RUBCNL: variants seen among roughly 807,000 people sequenced by gnomAD.
The protein encoded by RUBCNL is rubicon like autophagy enhancer.
Under a neutral mutation model 69.5 loss-of-function variants are expected in RUBCNL, and 62 were observed. The observed-to-expected ratio is 0.89, with a 90% confidence interval of 0.73 to 1.10. The LOEUF (loss-of-function observed/expected upper bound fraction) is 1.10. Ranked by LOEUF, RUBCNL falls within the 50% of genes least tolerant of loss-of-function variation. RUBCNL has a pLI of 0.00. For synonymous variants in RUBCNL, 291 were observed against 303.6 expected (o/e 0.96, Z 0.43); for missense variants, 768 against 798.1 (o/e 0.96, Z 0.45).
chr13:46,345,457 G>C lies in RUBCNL; in HGVS notation c.1775C>G (p.Ala592Gly). The C allele has an allele frequency of 6.4e-7, 1 of 1,562,012 alleles. No individual in the cohort carries two copies. The highest frequency in any genetic ancestry group is 8.7e-7 in the Non-Finnish European group (1 of 1,153,358). Residue 592 changes from alanine to glycine, a missense_variant, in exon 13 of 15, where the codon GCT becomes GGT. By Grantham distance (60) the Ala-to-Gly change is moderately conservative. Coordinates refer to ENST00000429979, the MANE Select transcript of RUBCNL (RefSeq NM_025113.5). ...DILKASLAHV[A>G]GCELCQGKGF... is the part of the protein sequence containing the mutation. ...TGGGTGCACCCTCACCTCACAGCCA[G>C]CCACATGTGCAAGGGAAGCTTTCAG...
intron 9 of RUBCNL, 56 bp from the exon 10 acceptor site, chr13:46,356,552 T>G: frequency 6.8e-7 from 1 of 1,469,098 alleles, no homozygotes; most frequent in Middle Eastern, 1.7e-4. Context: ...GGCACATTTT[T>G]CACTAATTAG....
intron 5 of RUBCNL, among the ~76,000 whole-genome samples, chr13:46,363,817 T>C (rs61949228): frequency 0.093 from 13,958 of 150,054 alleles, 873 homozygotes; most frequent in Non-Finnish European, 0.14. Context: ...GCTGAGATCA[T>C]GCCACTGCAC....
rs143587221 is a variant in RUBCNL at position 46,343,388 on chromosome 13, T to C, written c.1986A>G (p.Thr662=). 1 of 1,613,158 alleles carries C rather than the reference T, an allele frequency of 6.2e-7. No homozygotes were observed. Among genetic ancestry groups the C allele is most frequent in the East Asian group, 2.2e-5 (1 of 44,876 alleles). Residue 662 remains threonine, a synonymous_variant, in exon 15 of 15, where the codon ACA becomes ACG. Coordinates refer to ENST00000429979, the MANE Select transcript of RUBCNL (RefSeq NM_025113.5). ...TTTTTCACAGTACTCAGGGGCATCATGTTGCTGCAGAGGCCACACTTTCCA... is the reference window on the plus strand; with the variant it reads ...TTTTTCACAGTACTCAGGGGCATCACGTTGCTGCAGAGGCCACACTTTCCA... ...KLLESVASAA[T]
Position 46,365,257 on chromosome 13 carries a change from C to T in RUBCNL, c.827-2044G>A, listed in dbSNP as rs573005322. On this transcript the variant is annotated intron_variant, in intron 5 of 14. Transcript: ENST00000429979. ...GGTAGAGGTTGCTGTGAGCCGAGAT[C>T]GCACCACTCTACTCCGGCCTGGGCA... Among the ~76,000 whole-genome samples, 9 of 143,944 alleles carry T rather than the reference C, an allele frequency of 6.3e-5. No individual in the cohort carries two copies. The East Asian group carries it at 1.8e-3, about 29-fold the overall frequency. The allele number at this position is 143,944 out of a possible 152,430, so 94.4% of individuals were successfully genotyped here.
At chr13:46,367,907 A>C in intron 5 of RUBCNL, 135 bp downstream of exon 5, 6 of 802,474 alleles carry the variant, frequency 7.5e-6, no homozygotes, top group Non-Finnish European at 1.0e-5. Flanking sequence ...TAGTGTATAT[A>C]GAGTTTGGTA....
chr13:46,353,602 C>T (rs1250777988), intron 10 of RUBCNL, among the ~76,000 whole-genome samples: 2 of 152,224 alleles, frequency 1.3e-5, no homozygotes, highest in African/African-American at 4.8e-5. Flanking sequence ...CTGCTTCTGG[C>T]ACCTACTGAT....
chr13:46,343,152 C>T lies in RUBCNL; in HGVS notation c.*233G>A. On this transcript the variant is annotated 3_prime_UTR_variant, in exon 15 of 15. Coordinates refer to ENST00000429979, the MANE Select transcript of RUBCNL (RefSeq NM_025113.5). The stretch of plus-strand genomic sequence containing the variant: ...AGTATAAAAAACCTCTTTAAAAAAC[C>T]AATAGCAGCCAAAACAGAACATTTG... 1 of 634,920 alleles carries T rather than the reference C, an allele frequency of 1.6e-6. No individual in the cohort carries two copies. The highest frequency in any genetic ancestry group is 2.5e-6 in the Non-Finnish European group (1 of 395,000). 39.3% of individuals were successfully genotyped at this position (634,920 alleles called of 1,614,324 possible). A position where few individuals can be genotyped will look rare whatever the true frequency, so the allele number is the denominator to read the frequency against.
chr13:46,368,607 A>C (rs904125368), intron 4 of RUBCNL, 126 bp downstream of exon 4: 1 of 1,297,048 alleles, frequency 7.7e-7, no homozygotes, highest in African/African-American at 1.5e-5. Context: ...AGTCTCCATC[A>C]ATCAAATGCT....
intron 3 of RUBCNL, among the ~76,000 whole-genome samples, chr13:46,369,765 A>G (rs564835443): frequency 6.6e-6 from 1 of 152,364 alleles, no homozygotes; most frequent in South Asian, 2.1e-4. Context: ...GAGATGTCCC[A>G]ACCTGCTAAA....
intron 13 of RUBCNL, 23 bp downstream of exon 13, chr13:46,345,424 A>G (rs1175384644): frequency 6.4e-7 from 1 of 1,551,808 alleles, no homozygotes. Context: ...TCGGGAACGA[A>G]TCTGCTCTGG....
At chr13:46,376,466 TG>T in intron 2 of RUBCNL, among the ~76,000 whole-genome samples, 2 of 152,294 alleles carry the variant, frequency 1.3e-5, no homozygotes, top group African/African-American at 4.8e-5. Context: ...AGAGTACAGC[TG>T]GTTGTGTTAA....
At chr13:46,375,887 CAT>C (rs2048981680) in intron 2 of RUBCNL, among the ~76,000 whole-genome samples, 1 of 152,152 alleles carries the variant, frequency 6.6e-6, no homozygotes, top group African/African-American at 2.4e-5. Flanking sequence ...GATTTTCTTC[CAT>C]ATCTGTCACC....
At chr13:46,355,771 G>A (rs1006021930) in intron 10 of RUBCNL, among the ~76,000 whole-genome samples, 2 of 152,170 alleles carry the variant, frequency 1.3e-5, no homozygotes, top group Non-Finnish European at 2.9e-5. Context: ...TGGAAATAAA[G>A]TAATAAATAC....
chr13:46,351,599 A>G (rs1332164404), intron 10 of RUBCNL, among the ~76,000 whole-genome samples: 2 of 152,236 alleles, frequency 1.3e-5, no homozygotes, highest in Admixed American at 1.3e-4. Context: ...AATTGGTTAA[A>G]TAAGTATGGT....
intron 2 of RUBCNL, 98 bp downstream of exon 2, chr13:46,377,792 T>C (rs2049027983): frequency 3.5e-6 from 2 of 577,666 alleles, no homozygotes; most frequent in Non-Finnish European, 6.0e-6. Context: ...ATCAAAGCAT[T>C]GAGAGTTAGA....
chr13:46,337,581 T>C lies in RUBCNL; in HGVS notation c.*5804A>G, dbSNP rs955719622. ...TCTTGGACTTCCTAGCCTCCAGAAC[T>C]GTTAGCAGTAAGTTTCTGTTGTTTA... On this transcript the variant is annotated 3_prime_UTR_variant, in exon 15 of 15. Coordinates refer to ENST00000429979, the MANE Select transcript of RUBCNL (RefSeq NM_025113.5). Among the ~76,000 whole-genome samples the C allele has an allele frequency of 3.9e-5, 6 of 152,208 alleles. No individual in the cohort carries two copies. Among genetic ancestry groups the C allele is most frequent in the Admixed American group, 1.3e-4 (2 of 15,286 alleles).
At position 46,372,606 on chromosome 13, in the gene RUBCNL, A is replaced by T. The variant is rs1328974738; in HGVS notation, c.-122-9T>A. On this transcript the variant is annotated splice_polypyrimidine_tract_variant and intron_variant, in intron 2 of 14. Transcript: ENST00000429979. Reference sequence around the variant, plus strand: ...GGGTCTGGAGAGCTATTCTGCAATGAGCAAGGAATCATTCAAAATAAGTAA... The same window carrying T: ...GGGTCTGGAGAGCTATTCTGCAATGTGCAAGGAATCATTCAAAATAAGTAA... 3.5e-6 allele frequency: 5 copies of T among 1,436,716 alleles called. No individual in the cohort carries two copies. In the African/African-American group the frequency reaches 5.7e-5, roughly 16 times the overall value. The allele number at this position is 1,436,716 out of a possible 1,614,324, so 89.0% of individuals were successfully genotyped here. A position where few individuals can be genotyped will look rare whatever the true frequency, so the allele number is the denominator to read the frequency against.
chr13:46,350,132 T>C lies in RUBCNL; in HGVS notation c.1550A>G (p.Lys517Arg). The C allele has an allele frequency of 6.4e-7, 1 of 1,570,268 alleles. No homozygotes were observed. The highest frequency in any genetic ancestry group is 1.2e-5 in the South Asian group (1 of 85,480). ...GCTCACCTTCACTCTGTCCAGCTCCTTGGCTTTCGCATACAGGCTTTGGCC... is the reference window on the plus strand; with the variant it reads ...GCTCACCTTCACTCTGTCCAGCTCCCTGGCTTTCGCATACAGGCTTTGGCC... ...SIGQSLYAKAKELDRVKEIQE... is the reference protein window; with the variant it reads ...SIGQSLYAKARELDRVKEIQE... Residue 517 changes from lysine to arginine, a missense_variant, in exon 11 of 15, where the codon AAG becomes AGG. Physicochemically the swap from Lys to Arg is conservative, Grantham distance 26 (BLOSUM62 2). Coordinates refer to ENST00000429979, the MANE Select transcript of RUBCNL (RefSeq NM_025113.5).
At chr13:46,373,306 T>C (rs2048919705) in intron 2 of RUBCNL, among the ~76,000 whole-genome samples, 1 of 152,324 alleles carries the variant, frequency 6.6e-6, no homozygotes, top group Non-Finnish European at 1.5e-5. Flanking sequence ...ATTTAGTTTG[T>C]TCTTGTGTTT....
Sources: gnomAD v4.1 joint callset for allele counts (sites outside exome capture counted in the v4.1 genomes callset) on GRCh38, gnomAD v4.1.1 for gene constraint, MANE v1.5 for transcripts, NCBI Gene and HGNC (gene_info 2026-07-23, HGNC 2026-07-21) for gene names.